SSBP3: variants seen among roughly 807,000 people sequenced by gnomAD.
The protein encoded by SSBP3 is single-stranded DNA-binding protein 3.
Under a neutral mutation model 69.6 loss-of-function variants are expected in SSBP3, and 5 were observed. That is an observed-to-expected ratio of 0.07 (90% CI 0.04 to 0.15). The LOEUF (loss-of-function observed/expected upper bound fraction) is 0.15, where lower values mean the gene tolerates loss of function less well. SSBP3 is among the 10% of genes least tolerant of loss of function. The probability of loss-of-function intolerance (pLI) is 1.00; values close to 1 mark genes in which losing one functional copy is unlikely to be tolerated. For synonymous variants in SSBP3, 196 were observed against 193.4 expected, an observed-to-expected ratio of 1.01 and a Z score of -0.11; for missense variants, 312 against 534.0, an observed-to-expected ratio of 0.58 and a Z score of 4.10.
intron 4 of SSBP3, among the ~76,000 whole-genome samples, chr1:54,378,563 C>T (rs1194406782): frequency 6.6e-6 from 1 of 152,212 alleles, no homozygotes; most frequent in Non-Finnish European, 1.5e-5. Flanking sequence ...AAGCTGCTCC[C>T]TCGGAAGGGA....
intron 4 of SSBP3, among the ~76,000 whole-genome samples, chr1:54,323,967 C>T (rs1399139302): frequency 5.9e-5 from 9 of 152,192 alleles, no homozygotes; most frequent in Admixed American, 5.9e-4. Context: ...ATGCCAGCAT[C>T]GCACTAAGTA....
At chr1:54,298,327 C>T (rs2100985858) in intron 4 of SSBP3, among the ~76,000 whole-genome samples, 2 of 152,118 alleles carry the variant, frequency 1.3e-5, no homozygotes, top group Middle Eastern at 6.8e-3. Context: ...AACCCAGACT[C>T]ACGAAGAGGG....
chr1:54,405,637 C>G (rs114660239), intron 1 of SSBP3: 5,768 of 155,728 alleles, frequency 0.037, 135 homozygotes, highest in East Asian at 0.043. Context: ...AACGTCGAGG[C>G]TCGCTGGCGG....
At chr1:54,384,603 G>A (rs1258081653) in intron 4 of SSBP3, among the ~76,000 whole-genome samples, 2 of 152,218 alleles carry the variant, frequency 1.3e-5, no homozygotes, top group Admixed American at 6.5e-5. Flanking sequence ...TCCCTGAGAG[G>A]AGAAAGAATG....
At chr1:54,309,672 C>G (rs986550535) in intron 4 of SSBP3, among the ~76,000 whole-genome samples, 21 of 152,214 alleles carry the variant, frequency 1.4e-4, no homozygotes, top group Admixed American at 1.2e-3. Flanking sequence ...TGAAAAATCC[C>G]TAACTCCCCG....
intron 4 of SSBP3, among the ~76,000 whole-genome samples, chr1:54,359,444 G>GA (rs1383537193): frequency 6.6e-6 from 1 of 152,140 alleles, no homozygotes. Flanking sequence ...ATGCTAATGG[G>GA]AAAATAACTC....
chr1:54,404,947 G>T lies in SSBP3; in HGVS notation c.57-17C>A, dbSNP rs1201168170. On this transcript the variant is annotated splice_polypyrimidine_tract_variant and intron_variant, in intron 1 of 17. Transcript: ENST00000610401. Reference sequence around the variant, plus strand: ...AAAGCTAACCTGGAAAGTGGACAGGGGGCAAAGAGAGAGAGGGAAAGGCGT... The same window carrying T: ...AAAGCTAACCTGGAAAGTGGACAGGTGGCAAAGAGAGAGAGGGAAAGGCGT... The T allele has an allele frequency of 6.2e-7, 1 of 1,609,830 alleles. No homozygotes were observed. Among genetic ancestry groups the T allele is most frequent in the South Asian group, 1.1e-5 (1 of 90,748 alleles).
At chr1:54,394,359 G>T (rs1648707442) in intron 4 of SSBP3, among the ~76,000 whole-genome samples, 1 of 152,184 alleles carries the variant, frequency 6.6e-6, no homozygotes, top group Non-Finnish European at 1.5e-5. Flanking sequence ...ACACAGGGGT[G>T]GGACTGTTTA....
chr1:54,311,751 T>C (rs1469753415), intron 4 of SSBP3, among the ~76,000 whole-genome samples: 1 of 152,120 alleles, frequency 6.6e-6, no homozygotes, highest in Non-Finnish European at 1.5e-5. Context: ...TTCTAAGGTT[T>C]TTGGCTGGAG....
At chr1:54,276,794 C>A (rs551881712) in intron 5 of SSBP3, among the ~76,000 whole-genome samples, 1 of 152,184 alleles carries the variant, frequency 6.6e-6, no homozygotes, top group South Asian at 2.1e-4. Context: ...CTGGATCAAG[C>A]CCATACTCAA....
intron 14 of SSBP3, chr1:54,238,491 C>A (rs554374248): frequency 1.3e-4 from 48 of 373,758 alleles, no homozygotes; most frequent in Admixed American, 3.3e-4. Flanking sequence ...CCTCGGGCAA[C>A]GCCCCCTGGG....
intron 4 of SSBP3, among the ~76,000 whole-genome samples, chr1:54,289,625 C>T (rs1645568409): frequency 6.6e-6 from 1 of 152,074 alleles, no homozygotes; most frequent in Non-Finnish European, 1.5e-5. Context: ...ATCAGGGAGG[C>T]TTTGTGGAAG....
At chr1:54,345,857 T>G (rs1400470491) in intron 4 of SSBP3, among the ~76,000 whole-genome samples, 1 of 151,524 alleles carries the variant, frequency 6.6e-6, no homozygotes, top group African/African-American at 2.4e-5. Context: ...ATACAAAAAA[T>G]TAGGCTGGGC....
At chr1:54,411,509 C>T (rs1649989332) in intron 1 of SSBP3, among the ~76,000 whole-genome samples, 2 of 151,174 alleles carry the variant, frequency 1.3e-5, no homozygotes, top group Non-Finnish European at 2.9e-5. Context: ...AGTACTCTGA[C>T]AGGCCATGGT....
intron 5 of SSBP3, among the ~76,000 whole-genome samples, chr1:54,275,918 T>C (rs550021230): frequency 2.0e-5 from 3 of 152,278 alleles, no homozygotes; most frequent in Non-Finnish European, 4.4e-5. Context: ...GGGAAAGATT[T>C]TGGGTCATGC....
intron 1 of SSBP3, among the ~76,000 whole-genome samples, 188 bp downstream of exon 1, chr1:54,405,765 C>A (rs1368678756): frequency 6.6e-6 from 1 of 150,782 alleles, no homozygotes; most frequent in Non-Finnish European, 1.5e-5. Flanking sequence ...TCCGCCGGCT[C>A]CCAACAATGG....
intron 4 of SSBP3, among the ~76,000 whole-genome samples, chr1:54,362,462 G>C (rs1339664087): frequency 1.3e-5 from 2 of 152,218 alleles, no homozygotes; most frequent in Non-Finnish European, 2.9e-5. Flanking sequence ...CTGACTTAGT[G>C]AGCAAATGGG....
intron 4 of SSBP3, chr1:54,356,340 A>G (rs1646865094): frequency 6.6e-6 from 1 of 152,260 alleles, no homozygotes; most frequent in Admixed American, 6.5e-5. Context: ...AACGCCGCAC[A>G]CTTCCACCTT....
intron 7 of SSBP3, 141 bp downstream of exon 7, chr1:54,256,986 A>T: frequency 2.5e-6 from 2 of 810,046 alleles, no homozygotes; most frequent in Non-Finnish European, 3.9e-6. Context: ...CTCTCTGGGG[A>T]ACAGCTAGTA....
Sources: allele counts gnomAD v4.1 joint callset (sites outside exome capture counted in the v4.1 genomes callset), GRCh38; gene constraint gnomAD v4.1.1; transcripts MANE v1.5; gene names NCBI Gene and HGNC (gene_info 2026-07-23, HGNC 2026-07-21).